Variants in ST14 observed in about 807,000 individuals in gnomAD.
The protein encoded by ST14 is ST14 transmembrane serine protease matriptase, also known as suppressor of tumorigenicity 14 protein.
Under a neutral mutation model 96.5 loss-of-function variants are expected in ST14, and 40 were observed. The ratio of observed to expected loss-of-function variants is 0.41; its 90% CI spans 0.32 to 0.54. The LOEUF (loss-of-function observed/expected upper bound fraction) is 0.54, where lower values mean the gene tolerates loss of function less well. ST14 is among the 20% of genes least tolerant of loss of function. The probability of loss-of-function intolerance (pLI) is 0.17; values close to 1 mark genes in which losing one functional copy is unlikely to be tolerated. For missense variants in ST14, 1,066 were observed against 1,188.9 expected (o/e 0.90, Z 1.52); for synonymous variants, 506 against 492.1 (o/e 1.03, Z -0.37).
At chr11:130,171,112 G>T (rs1251901373) in intron 1 of ST14, among the ~76,000 whole-genome samples, 1 of 152,178 alleles carries the variant, frequency 6.6e-6, no homozygotes, top group South Asian at 2.1e-4. Flanking sequence ...GCCATTTCAA[G>T]CTACTGACAT....
intron 7 of ST14, among the ~76,000 whole-genome samples, chr11:130,192,595 T>C (rs557101259): frequency 6.6e-6 from 1 of 152,312 alleles, no homozygotes; most frequent in Non-Finnish European, 1.5e-5. Flanking sequence ...TTTTACCATG[T>C]TGGTCAGGCT....
intron 9 of ST14, among the ~76,000 whole-genome samples, chr11:130,195,923 G>A (rs577669357): frequency 2.5e-3 from 384 of 151,668 alleles, no homozygotes; most frequent in Non-Finnish European, 4.0e-3. Context: ...TTGGGAGGCC[G>A]AGGCGGGCAG....
chr11:130,206,032 A>T (rs1296870633), intron 16 of ST14, among the ~76,000 whole-genome samples: 2 of 152,204 alleles, frequency 1.3e-5, no homozygotes, highest in East Asian at 3.8e-4. Context: ...CCTAGGATGC[A>T]GTCAAGGGTC....
rs202054919 is a variant in ST14, at chr11:130,209,838, C to A, written c.*15C>A. ...CTGGGGTATAGGGGCCGGGGCCACC[C>A]AAATGTGTACACCTGCGGGGCCACC... On this transcript the variant is annotated 3_prime_UTR_variant, in exon 19 of 19. Transcript: ENST00000278742. The A allele has an allele frequency of 5.3e-5, 86 of 1,612,270 alleles. No individual in the cohort carries two copies. Among genetic ancestry groups the A allele is most frequent in the Middle Eastern group, 1.7e-4 (1 of 6,016 alleles).
At chr11:130,190,745 G>T (rs762935894) in intron 7 of ST14, 51 bp downstream of exon 7, 2 of 1,519,896 alleles carry the variant, frequency 1.3e-6, no homozygotes, top group African/African-American at 2.8e-5. Context: ...CGGCTGCCCT[G>T]TAGGGGGCCA....
At chr11:130,194,312 G>T in intron 8 of ST14, 24 bp downstream of exon 8, 1 of 1,614,048 alleles carries the variant, frequency 6.2e-7, no homozygotes, top group South Asian at 1.1e-5. Context: ...GGGCAGGGCG[G>T]GACTGCCCTC....
At chr11:130,161,027 G>A (rs1952994869) in intron 1 of ST14, among the ~76,000 whole-genome samples, 1 of 152,158 alleles carries the variant, frequency 6.6e-6, no homozygotes, top group South Asian at 2.1e-4. Flanking sequence ...GGGTGCCCCT[G>A]GGCTCCATAG....
At chr11:130,183,567 C>T (rs1367124177) in intron 1 of ST14, among the ~76,000 whole-genome samples, 2 of 150,804 alleles carry the variant, frequency 1.3e-5, no homozygotes, top group Non-Finnish European at 2.9e-5. Flanking sequence ...AAAAAGATTG[C>T]ATTGCATCTA....
chr11:130,166,263 G>A (rs1447221795), intron 1 of ST14, among the ~76,000 whole-genome samples: 2 of 152,160 alleles, frequency 1.3e-5, no homozygotes, highest in Admixed American at 1.3e-4. Flanking sequence ...TCCCCTCCTT[G>A]CTGTCTATGG....
intron 1 of ST14, among the ~76,000 whole-genome samples, chr11:130,165,751 C>A (rs1953036346): frequency 6.6e-6 from 1 of 152,170 alleles, no homozygotes; most frequent in Non-Finnish European, 1.5e-5. Context: ...TTCCTGACCT[C>A]ACTTTATCCT....
At chr11:130,173,415 G>A (rs924908334) in intron 1 of ST14, among the ~76,000 whole-genome samples, 6 of 152,066 alleles carry the variant, frequency 3.9e-5, no homozygotes, top group African/African-American at 1.4e-4. Context: ...TGGCCAAATG[G>A]CGAAATCCTG....
At chr11:130,197,416 G>A (rs1047044683) in intron 11 of ST14, among the ~76,000 whole-genome samples, 3 of 152,264 alleles carry the variant, frequency 2.0e-5, no homozygotes, top group Admixed American at 6.5e-5. Flanking sequence ...GGAAGTGCGC[G>A]ATGCCGCACT....
In ST14 at chr11:130,198,318, C is replaced by A; in HGVS notation, c.1470C>A (p.Ala490=). 6.2e-7 allele frequency: 1 copy of A among 1,614,154 alleles called. No homozygotes were observed. Among genetic ancestry groups the A allele is most frequent in the Admixed American group, 1.7e-5 (1 of 60,034 alleles). The change falls in exon 13 of 19, where the codon GCC becomes GCA. Residue 490 remains alanine, a synonymous_variant. Transcript: ENST00000278742. ...CTTACCCCACTCCAGGTTGCGACGC[C>A]GGCCACCAGTTCACGTGCAAGAACA... The part of the protein sequence containing the change: ...HSDELNCSCD[A]GHQFTCKNKF...
chr11:130,194,497 C>T, intron 8 of ST14, 143 bp from the exon 9 acceptor site: 1 of 1,119,572 alleles, frequency 8.9e-7, no homozygotes, highest in Middle Eastern at 2.7e-4. Flanking sequence ...GCACCCGGCA[C>T]CTGGCCTTCC....
rs114892393 is a variant in ST14, at chr11:130,180,593, G to A, written c.82-7521G>A. Among the ~76,000 whole-genome samples the A allele has an allele frequency of 5.3e-3, 814 of 152,270 alleles. 9 individuals carry two copies. The highest frequency in any genetic ancestry group is 0.019 in the African/African-American group (774 of 41,568). ...GTTGGTCCCCAGAGCCAGTGGGGTC[G>A]TGGGCCCTGGAGAGTTTGCACTCAG... On this transcript the variant is annotated intron_variant, in intron 1 of 18. Coordinates refer to ENST00000278742, the MANE Select transcript of ST14 (RefSeq NM_021978.4).
Position 130,199,979 on chromosome 11 carries a change from G to A in ST14, c.1836G>A (p.Gln612=). ...GTGGGCTGCGGTCATTCACGAGACA[G>A]GCTCGTGTTGTTGGGGGCACGGATG... The part of the protein sequence containing the change: ...CDCGLRSFTR[Q]ARVVGGTDAD... Residue 612 remains glutamine, a synonymous_variant, in exon 16 of 19, where the codon CAG becomes CAA. Coordinates refer to ENST00000278742, the MANE Select transcript of ST14 (RefSeq NM_021978.4). 6.2e-7 allele frequency: 1 copy of A among 1,614,232 alleles called. No homozygotes were observed. Among genetic ancestry groups the A allele is most frequent in the Non-Finnish European group, 8.5e-7 (1 of 1,180,040 alleles).
chr11:130,206,300 CT>C (rs1420357279), intron 16 of ST14, among the ~76,000 whole-genome samples: 5 of 152,174 alleles, frequency 3.3e-5, no homozygotes, highest in African/African-American at 1.2e-4. Flanking sequence ...GGAGAGGAGG[CT>C]GAGCACCTGG....
chr11:130,190,833 G>A lies in ST14; in HGVS notation c.875+139G>A, dbSNP rs183130430. ...TAAACATCCAGGCAGCAGGAGGCACGTGTGGTGTGATCCTCAGCTGCAGCT... is the reference window on the plus strand; with the variant it reads ...TAAACATCCAGGCAGCAGGAGGCACATGTGGTGTGATCCTCAGCTGCAGCT... On this transcript the variant is annotated intron_variant, in intron 7 of 18. Transcript: ENST00000278742. 9.4e-5 allele frequency: 110 copies of A among 1,171,228 alleles called. 1 individual carries two copies. Among genetic ancestry groups the A allele is most frequent in the Non-Finnish European group, 1.2e-4 (102 of 857,324 alleles). 72.6% of individuals were successfully genotyped at this position (1,171,228 alleles called of 1,614,324 possible).
At chr11:130,178,471 G>A (rs891609076) in intron 1 of ST14, among the ~76,000 whole-genome samples, 5 of 100,624 alleles carry the variant, frequency 5.0e-5, no homozygotes, top group African/African-American at 2.5e-4. Flanking sequence ...CTTGGGCTGC[G>A]TGGGGAGGGC....
Sources: allele counts gnomAD v4.1 joint callset (sites outside exome capture counted in the v4.1 genomes callset), GRCh38; gene constraint gnomAD v4.1.1; transcripts MANE v1.5; gene names NCBI Gene and HGNC (gene_info 2026-07-23, HGNC 2026-07-21).